Variants in MYO3B observed in about 807,000 individuals in gnomAD.
MYO3B encodes myosin-IIIb.
In MYO3B, 156 loss-of-function variants were observed where a neutral mutation model predicts 174.6. The observed-to-expected ratio is 0.89, with a 90% CI of 0.78 to 1.02. The LOEUF is 1.02. Among genes scored for constraint, MYO3B ranks in the 50% least tolerant of loss-of-function variants. The pLI, the probability that MYO3B is intolerant of heterozygous loss-of-function variation, is 0.00. For synonymous variants in MYO3B, 563 were observed against 569.1 expected (o/e 0.99, Z 0.15); for missense variants, 1,632 against 1,639.4 (o/e 1.00, Z 0.08).
intron 30 of MYO3B, among the ~76,000 whole-genome samples, chr2:170,540,296 C>A (rs940318682): frequency 6.6e-6 from 1 of 151,980 alleles, no homozygotes; most frequent in Non-Finnish European, 1.5e-5. Context: ...TGCACTCTAG[C>A]CTGGGCAACA....
At chr2:170,407,574 T>A in intron 21 of MYO3B, 141 bp from the exon 22 acceptor site, 1 of 89,744 alleles carries the variant, frequency 1.1e-5, no homozygotes, top group Non-Finnish European at 2.0e-5. Context: ...TTATTCCCTT[T>A]ATCTGGTGCT....
At chr2:170,252,752 C>T (rs1156945636) in intron 7 of MYO3B, among the ~76,000 whole-genome samples, 1 of 152,062 alleles carries the variant, frequency 6.6e-6, no homozygotes, top group East Asian at 1.9e-4. Flanking sequence ...ATATAATGTG[C>T]TGAGAGAAGG....
intron 32 of MYO3B, among the ~76,000 whole-genome samples, chr2:170,572,705 C>A (rs1257354075): frequency 2.0e-5 from 3 of 151,974 alleles, no homozygotes; most frequent in Admixed American, 6.6e-5. Flanking sequence ...ATGTGATGCA[C>A]CCCTTGTACA....
chr2:170,326,488 T>C (rs1271548272), intron 7 of MYO3B, among the ~76,000 whole-genome samples: 1 of 152,194 alleles, frequency 6.6e-6, no homozygotes, highest in Non-Finnish European at 1.5e-5. Flanking sequence ...ACTGATGATA[T>C]TGCCGAGTTC....
At position 170,276,119 on chromosome 2, in the gene MYO3B, A is replaced by G. The variant is rs113730908; in HGVS notation, c.749+39983A>G. ...CCTAGAATAGCAATGGTCACTTTAG[A>G]CAAATGAAATCATGCAAAGAGCTGG... On this transcript the variant is annotated intron_variant, in intron 7 of 34. Transcript: ENST00000408978. Among the ~76,000 whole-genome samples the G allele has an allele frequency of 5.7e-3, 862 of 152,326 alleles. 6 individuals are homozygous for G. Among genetic ancestry groups the G allele is most frequent in the Non-Finnish European group, 9.0e-3 (614 of 68,022 alleles).
intron 32 of MYO3B, among the ~76,000 whole-genome samples, chr2:170,645,072 A>G (rs1698260319): frequency 6.6e-6 from 1 of 152,206 alleles, no homozygotes; most frequent in Admixed American, 6.5e-5. Flanking sequence ...AATGTACGAC[A>G]AAGTGGGGAG....
At chr2:170,320,866 G>A (rs1156522722) in intron 7 of MYO3B, among the ~76,000 whole-genome samples, 2 of 151,926 alleles carry the variant, frequency 1.3e-5, no homozygotes, top group Non-Finnish European at 2.9e-5. Flanking sequence ...ATCTTTAACA[G>A]GTCAGGTGAA....
intron 6 of MYO3B, among the ~76,000 whole-genome samples, chr2:170,233,339 TTCTC>T (rs1449905874): frequency 1.3e-5 from 2 of 152,234 alleles, no homozygotes; most frequent in Non-Finnish European, 2.9e-5. Context: ...AGAGTCTTAT[TTCTC>T]TCTCCCTCAC....
At chr2:170,379,473 G>A (rs1050669706) in intron 9 of MYO3B, among the ~76,000 whole-genome samples, 3 of 152,142 alleles carry the variant, frequency 2.0e-5, no homozygotes, top group African/African-American at 4.8e-5. Context: ...GATTACAGGC[G>A]TGAACCACTG....
At chr2:170,315,710 C>A (rs2093770936) in intron 7 of MYO3B, among the ~76,000 whole-genome samples, 2 of 152,176 alleles carry the variant, frequency 1.3e-5, no homozygotes, top group Non-Finnish European at 2.9e-5. Flanking sequence ...ATTTAACACT[C>A]ATTTGATTTC....
At chr2:170,368,938 T>C (rs182174076) in intron 8 of MYO3B, among the ~76,000 whole-genome samples, 204 of 152,052 alleles carry the variant, frequency 1.3e-3, no homozygotes, top group African/African-American at 4.6e-3. Flanking sequence ...GAGCAGTCTA[T>C]ATTTTTAGTG....
chr2:170,518,434 T>C (rs969636787), intron 29 of MYO3B, among the ~76,000 whole-genome samples: 4 of 152,188 alleles, frequency 2.6e-5, no homozygotes, highest in Non-Finnish European at 5.9e-5. Context: ...CCCTAACTGA[T>C]GGGTAGTGAC....
rs1559192542 is a variant in MYO3B at position 170,641,874 on chromosome 2, GGGGC to G, written c.3734-9750_3734-9747del. On this transcript the variant is annotated intron_variant, in intron 32 of 34. Transcript: ENST00000408978. Reference sequence around the variant, plus strand: ...ATTGTTAAGTGGGGGGGGGGGGGGAGGGGCGGGGAGCCATAACCCAAATTAAATG... The same window carrying G: ...ATTGTTAAGTGGGGGGGGGGGGGGAGGGGGAGCCATAACCCAAATTAAATG... 2.8e-3 allele frequency among the ~76,000 whole-genome samples: 142 copies of G among 50,046 alleles called. 3 individuals are homozygous for G. Among genetic ancestry groups the G allele is most frequent in the African/African-American group, 0.018 (75 of 4,274 alleles). The allele number at this position is 50,046 out of a possible 152,430, so 32.8% of individuals were successfully genotyped here. A position where few individuals can be genotyped will look rare whatever the true frequency, so the allele number is the denominator to read the frequency against.
chr2:170,527,434 C>G (rs1295121487), intron 30 of MYO3B, among the ~76,000 whole-genome samples: 7 of 152,222 alleles, frequency 4.6e-5, no homozygotes, highest in Non-Finnish European at 4.4e-5. Context: ...TAGATTCTAA[C>G]ACATAAAAAT....
chr2:170,398,384 C>T (rs763250906), intron 16 of MYO3B, among the ~76,000 whole-genome samples: 3 of 152,086 alleles, frequency 2.0e-5, no homozygotes, highest in Admixed American at 1.3e-4. Flanking sequence ...GAAAGCTCTC[C>T]GAATCTCATC....
At chr2:170,282,599 G>A (rs2093520508) in intron 7 of MYO3B, among the ~76,000 whole-genome samples, 1 of 151,804 alleles carries the variant, frequency 6.6e-6, no homozygotes, top group Admixed American at 6.6e-5. Context: ...CTCTTTTTTG[G>A]TTTCACATAA....
At chr2:170,490,562 C>T (rs1431439445) in intron 25 of MYO3B, among the ~76,000 whole-genome samples, 3 of 151,658 alleles carry the variant, frequency 2.0e-5, no homozygotes, top group African/African-American at 7.3e-5. Flanking sequence ...CTGGATAGGA[C>T]GTCTGGTACA....
intron 32 of MYO3B, among the ~76,000 whole-genome samples, chr2:170,559,360 G>T (rs1691558458): frequency 2.0e-5 from 3 of 152,180 alleles, no homozygotes; most frequent in Non-Finnish European, 4.4e-5. Flanking sequence ...ATATTTGGCT[G>T]TAGACTGTAA....
intron 25 of MYO3B, among the ~76,000 whole-genome samples, chr2:170,494,901 C>A (rs916214860): frequency 2.0e-5 from 3 of 152,092 alleles, no homozygotes; most frequent in Admixed American, 6.6e-5. Context: ...TTCTCCCTAC[C>A]CAAGATAATA....
Sources: allele counts gnomAD v4.1 joint callset (sites outside exome capture counted in the v4.1 genomes callset), GRCh38; gene constraint gnomAD v4.1.1; transcripts MANE v1.5; gene names NCBI Gene and HGNC (gene_info 2026-07-23, HGNC 2026-07-21).